The following ZNF804B variants were observed in gnomAD, a reference collection of about 807,000 sequenced individuals.
ZNF804B encodes the protein zinc finger protein 804B.
ZNF804B carries 80 observed loss-of-function variants against 101.4 expected under a neutral mutation model. The ratio of observed to expected loss-of-function variants is 0.79; its 90% CI spans 0.66 to 0.95. ZNF804B has a LOEUF of 0.95. ZNF804B is among the 40% of genes least tolerant of loss of function. The pLI, the probability that ZNF804B is intolerant of heterozygous loss-of-function variation, is 0.00. For synonymous variants in ZNF804B, 622 were observed against 558.8 expected, an observed-to-expected ratio of 1.11 and a Z score of -1.59; for missense variants, 1,673 against 1,561.9, an observed-to-expected ratio of 1.07 and a Z score of -1.20.
intron 1 of ZNF804B, among the ~76,000 whole-genome samples, chr7:88,958,546 C>A (rs796277012): frequency 2.2e-4 from 33 of 151,576 alleles, no homozygotes; most frequent in African/African-American, 8.0e-4. Context: ...TTGCCTTATG[C>A]TGTTGTCTCT....
At chr7:89,208,817 C>T (rs1177473304) in intron 1 of ZNF804B, among the ~76,000 whole-genome samples, 3 of 152,038 alleles carry the variant, frequency 2.0e-5, no homozygotes, top group Non-Finnish European at 4.4e-5. Flanking sequence ...TCGAGACCAT[C>T]CTGGCTAACA....
rs375423360 is a variant in ZNF804B, at chr7:88,988,924, A to G, written c.108+228840A>G. On this transcript the variant is annotated intron_variant, in intron 1 of 3. Coordinates refer to ENST00000333190, the MANE Select transcript of ZNF804B (RefSeq NM_181646.5). ...ATCAGTGGGTTCCAACCTTAAATGT[A>G]TCTTAAAATATCCAGGGGAAGATTT... Among the ~76,000 whole-genome samples the G allele has an allele frequency of 2.0e-5, 3 of 152,164 alleles. No individual in the cohort carries two copies. The East Asian group carries it at 5.8e-4, about 29-fold the overall frequency.
intron 1 of ZNF804B, among the ~76,000 whole-genome samples, chr7:89,130,186 T>C (rs889586283): frequency 9.2e-5 from 14 of 151,848 alleles, no homozygotes; most frequent in African/African-American, 7.3e-5. Context: ...TGCATCCCAA[T>C]TGAAAGGTGG....
At chr7:89,007,971 A>G (rs1448624992) in intron 1 of ZNF804B, among the ~76,000 whole-genome samples, 1 of 152,076 alleles carries the variant, frequency 6.6e-6, no homozygotes, top group Non-Finnish European at 1.5e-5. Context: ...ATCAGATGTA[A>G]TTTATTTGCA....
At chr7:88,965,004 G>T (rs1199471316) in intron 1 of ZNF804B, among the ~76,000 whole-genome samples, 1 of 151,220 alleles carries the variant, frequency 6.6e-6, no homozygotes, top group Non-Finnish European at 1.5e-5. Flanking sequence ...AGGGTATGAG[G>T]GTTTATAACA....
intron 2 of ZNF804B, among the ~76,000 whole-genome samples, chr7:89,300,407 T>G (rs185371090): frequency 1.3e-4 from 19 of 151,914 alleles, no homozygotes; most frequent in East Asian, 1.2e-3. Flanking sequence ...TTATACTTCA[T>G]GCACTTAATG....
chr7:89,304,394 C>T (rs1195257908), intron 2 of ZNF804B, among the ~76,000 whole-genome samples: 1 of 151,920 alleles, frequency 6.6e-6, no homozygotes, highest in Non-Finnish European at 1.5e-5. Flanking sequence ...AATAGTCTCT[C>T]TCCTTTATTG....
intron 1 of ZNF804B, among the ~76,000 whole-genome samples, chr7:89,059,086 G>A (rs1789337558): frequency 6.6e-6 from 1 of 152,104 alleles, no homozygotes; most frequent in African/African-American, 2.4e-5. Flanking sequence ...GAAACCAGAT[G>A]GCTATCATAA....
chr7:88,822,371 T>G (rs1326303791), intron 1 of ZNF804B, among the ~76,000 whole-genome samples: 4 of 152,156 alleles, frequency 2.6e-5, no homozygotes, highest in African/African-American at 9.6e-5. Flanking sequence ...TTTTCTCTAC[T>G]TAAAGTTTAT....
At chr7:89,197,665 T>C (rs990647281) in intron 1 of ZNF804B, among the ~76,000 whole-genome samples, 2 of 152,022 alleles carry the variant, frequency 1.3e-5, no homozygotes, top group South Asian at 4.1e-4. Flanking sequence ...ATTCAATCTA[T>C]GTCACTCGGT....
intron 1 of ZNF804B, among the ~76,000 whole-genome samples, chr7:88,845,984 C>A (rs181571773): frequency 3.3e-5 from 5 of 152,282 alleles, no homozygotes; most frequent in African/African-American, 1.2e-4. Context: ...AAATCATCAA[C>A]ATAGAAGTCT....
chr7:89,032,283 A>G (rs1188364295), intron 1 of ZNF804B, among the ~76,000 whole-genome samples: 1 of 151,436 alleles, frequency 6.6e-6, no homozygotes, highest in South Asian at 2.1e-4. Context: ...AAAACTCTTT[A>G]TAATACATTC....
intron 1 of ZNF804B, among the ~76,000 whole-genome samples, chr7:88,807,584 T>A (rs1790711177): frequency 1.3e-5 from 2 of 151,530 alleles, no homozygotes; most frequent in African/African-American, 4.8e-5. Flanking sequence ...AAATTAATCA[T>A]TTTTTTTTCT....
chr7:89,240,994 C>T (rs36121244), intron 2 of ZNF804B, among the ~76,000 whole-genome samples: 6,832 of 152,136 alleles, frequency 0.045, 145 homozygotes, highest in South Asian at 0.072. Flanking sequence ...GATGCTGGCA[C>T]TGCCGTGTCT....
intron 1 of ZNF804B, among the ~76,000 whole-genome samples, chr7:89,177,559 C>T (rs374043891): frequency 6.6e-6 from 1 of 152,126 alleles, no homozygotes; most frequent in African/African-American, 2.4e-5. Context: ...TTTACATGTG[C>T]TGAGGACAAT....
intron 1 of ZNF804B, among the ~76,000 whole-genome samples, chr7:89,160,281 AGT>A (rs1791039131): frequency 6.6e-6 from 1 of 152,154 alleles, no homozygotes; most frequent in African/African-American, 2.4e-5. Context: ...CAGGCTCAAT[AGT>A]GTCTTTCCTG....
intron 1 of ZNF804B, among the ~76,000 whole-genome samples, chr7:89,040,644 C>G (rs563411741): frequency 6.6e-6 from 1 of 152,190 alleles, no homozygotes; most frequent in South Asian, 2.1e-4. Context: ...ATGGTGATTT[C>G]TTTTATTCCT....
intron 2 of ZNF804B, among the ~76,000 whole-genome samples, chr7:89,277,256 T>C (rs56752942): frequency 0.24 from 36,656 of 149,736 alleles, 4,798 homozygotes; most frequent in Non-Finnish European, 0.27. Context: ...TGAGTATATT[T>C]AGCTTATTAG....
At chr7:88,847,915 A>C (rs1201671496) in intron 1 of ZNF804B, among the ~76,000 whole-genome samples, 1 of 152,170 alleles carries the variant, frequency 6.6e-6, no homozygotes, top group Non-Finnish European at 1.5e-5. Flanking sequence ...GGAATAATAT[A>C]AAAGGGAGGA....
Sources: gnomAD v4.1 joint callset for allele counts (sites outside exome capture counted in the v4.1 genomes callset) on GRCh38, gnomAD v4.1.1 for gene constraint, MANE v1.5 for transcripts, NCBI Gene and HGNC (gene_info 2026-07-23, HGNC 2026-07-21) for gene names.